The following KCNIP4 variants were observed in gnomAD, a reference collection of about 807,000 sequenced individuals.
KCNIP4 encodes potassium voltage-gated channel interacting protein 4.
In KCNIP4, 12 loss-of-function variants were observed where a neutral mutation model predicts 34.0. The observed-to-expected ratio is 0.35, with a 90% CI of 0.23 to 0.57. The LOEUF (loss-of-function observed/expected upper bound fraction) is 0.57. KCNIP4 is among the 20% of genes least tolerant of loss of function. The probability of loss-of-function intolerance (pLI) is 0.83; values close to 1 mark genes in which losing one functional copy is unlikely to be tolerated. For synonymous variants in KCNIP4, 124 were observed against 102.2 expected (o/e 1.21, Z -1.29); for missense variants, 238 against 311.7 (o/e 0.76, Z 1.78).
At chr4:21,832,386 G>A (rs1684389570) in intron 1 of KCNIP4, among the ~76,000 whole-genome samples, 2 of 152,016 alleles carry the variant, frequency 1.3e-5, no homozygotes, top group Non-Finnish European at 2.9e-5. Context: ...TTGTGGCTCT[G>A]ACATAAGGAT....
intron 3 of KCNIP4, among the ~76,000 whole-genome samples, chr4:20,839,776 T>C (rs913493327): frequency 2.6e-5 from 4 of 152,154 alleles, no homozygotes; most frequent in Admixed American, 6.6e-5. Flanking sequence ...TATGAGATGT[T>C]ATTCTTCAAT....
In KCNIP4 at chr4:21,320,078, A is replaced by C. The variant is rs149318239; in HGVS notation, c.62-437369T>G. On this transcript the variant is annotated intron_variant, in intron 1 of 8. Transcript: ENST00000382152. ...AAACCATGTATTAGAGCATTTGGAGAGAAAAGCATCATTTCTACAGTTAAC... is the reference window on the plus strand; with the variant it reads ...AAACCATGTATTAGAGCATTTGGAGCGAAAAGCATCATTTCTACAGTTAAC... Among the ~76,000 whole-genome samples, 434 of 152,334 alleles carry C rather than the reference A, an allele frequency of 2.8e-3. 5 individuals carry two copies. Among genetic ancestry groups the C allele is most frequent in the African/African-American group, 9.7e-3 (403 of 41,572 alleles).
At chr4:20,850,757 T>C (rs1178607438) in intron 2 of KCNIP4, 90 bp from the exon 3 acceptor site, 1 of 1,450,364 alleles carries the variant, frequency 6.9e-7, no homozygotes, top group Non-Finnish European at 9.3e-7. Context: ...AGAACATGTC[T>C]GCTAATGTCT....
In KCNIP4 at chr4:21,253,678, A is replaced by T. The variant is rs574488442; in HGVS notation, c.62-370969T>A. Reference sequence around the variant, plus strand: ...ACTGGCTATGTATTAAAATCACCTGAGTCCACTGGAGAGGAGCTAAATCAT... The same window carrying T: ...ACTGGCTATGTATTAAAATCACCTGTGTCCACTGGAGAGGAGCTAAATCAT... On this transcript the variant is annotated intron_variant, in intron 1 of 8. Coordinates refer to ENST00000382152, the MANE Select transcript of KCNIP4 (RefSeq NM_025221.6). Among the ~76,000 whole-genome samples, 231 of 152,334 alleles carry T rather than the reference A, an allele frequency of 1.5e-3. 2 individuals carry two copies. Among genetic ancestry groups the T allele is most frequent in the Non-Finnish European group, 3.0e-3 (203 of 68,026 alleles).
intron 1 of KCNIP4, among the ~76,000 whole-genome samples, chr4:21,931,405 C>T (rs1047067060): frequency 2.2e-5 from 3 of 134,856 alleles, no homozygotes; most frequent in Non-Finnish European, 3.2e-5. Flanking sequence ...TCTCCTAATG[C>T]CATCCCTCCC....
chr4:21,703,321 TGATAA>T (rs1713013035), intron 1 of KCNIP4, among the ~76,000 whole-genome samples: 1 of 152,162 alleles, frequency 6.6e-6, no homozygotes, highest in Admixed American at 6.6e-5. Flanking sequence ...TTCCATTTGC[TGATAA>T]GATGATTTTC....
At chr4:21,187,385 A>T (rs1222151114) in intron 1 of KCNIP4, among the ~76,000 whole-genome samples, 1 of 152,214 alleles carries the variant, frequency 6.6e-6, no homozygotes, top group Non-Finnish European at 1.5e-5. Context: ...ATTAATGTTT[A>T]TTAAGGGCAA....
chr4:20,845,067 G>T (rs1197949443), intron 3 of KCNIP4, among the ~76,000 whole-genome samples: 1 of 152,098 alleles, frequency 6.6e-6, no homozygotes, highest in East Asian at 1.9e-4. Context: ...CACTGTGATG[G>T]ATACAACCTA....
At chr4:21,137,145 T>A (rs1751560322) in intron 1 of KCNIP4, among the ~76,000 whole-genome samples, 1 of 152,128 alleles carries the variant, frequency 6.6e-6, no homozygotes, top group Admixed American at 6.5e-5. Flanking sequence ...AAAGATCAAT[T>A]CTCATGGTTA....
intron 1 of KCNIP4, among the ~76,000 whole-genome samples, chr4:21,119,134 TG>T (rs2109128354): frequency 6.6e-6 from 1 of 152,176 alleles, no homozygotes; most frequent in East Asian, 1.9e-4. Context: ...TTGCCTACTT[TG>T]GAAGTTTAGA....
chr4:20,841,013 T>A (rs1719651991), intron 3 of KCNIP4, among the ~76,000 whole-genome samples: 1 of 152,228 alleles, frequency 6.6e-6, no homozygotes, highest in African/African-American at 2.4e-5. Context: ...GAGATTGCTC[T>A]TAACATTTTT....
At chr4:20,970,968 G>A (rs1047020547) in intron 1 of KCNIP4, among the ~76,000 whole-genome samples, 7 of 152,126 alleles carry the variant, frequency 4.6e-5, no homozygotes, top group Non-Finnish European at 8.8e-5. Context: ...GCTATGAAAC[G>A]GGCACTTGAT....
intron 3 of KCNIP4, among the ~76,000 whole-genome samples, chr4:20,822,761 T>A (rs964685870): frequency 1.3e-5 from 2 of 152,180 alleles, no homozygotes; most frequent in African/African-American, 4.8e-5. Context: ...TGAATATATA[T>A]GTTCCTCCAA....
In KCNIP4 at chr4:21,359,450, G is replaced by C. The variant is rs375398900; in HGVS notation, c.62-476741C>G. Among the ~76,000 whole-genome samples, 8 of 152,048 alleles carry C rather than the reference G, an allele frequency of 5.3e-5. No homozygotes were observed. The East Asian group carries it at 9.6e-4, about 18-fold the overall frequency. On this transcript the variant is annotated intron_variant, in intron 1 of 8. Coordinates refer to ENST00000382152, the MANE Select transcript of KCNIP4 (RefSeq NM_025221.6). ...TGATATGTATATATTATATTCTCTA[G>C]AGAATCCTAATACAGTGGCCCATGC...
chr4:21,193,591 T>TTTTTTTG (rs1173998179), intron 1 of KCNIP4, among the ~76,000 whole-genome samples: 1 of 147,050 alleles, frequency 6.8e-6, no homozygotes, highest in Non-Finnish European at 1.5e-5. Context: ...TTTTTTTTTT[T>TTTTTTTG]GAGACGGAGT....
At chr4:21,490,958 G>T (rs2109859903) in intron 1 of KCNIP4, among the ~76,000 whole-genome samples, 1 of 152,174 alleles carries the variant, frequency 6.6e-6, no homozygotes, top group Non-Finnish European at 1.5e-5. Context: ...ATTACTCAAA[G>T]CATAAAGAAC....
At chr4:20,891,044 A>T (rs1211765891) in intron 1 of KCNIP4, among the ~76,000 whole-genome samples, 2 of 152,202 alleles carry the variant, frequency 1.3e-5, no homozygotes, top group Non-Finnish European at 2.9e-5. Context: ...AGTGGCAATG[A>T]AAGTGGTAAT....
In KCNIP4 at chr4:21,427,622, C is replaced by T. The variant is rs552193981; in HGVS notation, c.61+520949G>A. Among the ~76,000 whole-genome samples the T allele has an allele frequency of 5.3e-5, 8 of 152,220 alleles. No homozygotes were observed. The East Asian group carries it at 9.7e-4, about 18-fold the overall frequency. ...GGACTGACTGAGAAGCAATGGTGCT[C>T]AATTATGAGGTTCAGATAAATCACC... is the stretch of plus-strand genomic sequence containing the variant. On this transcript the variant is annotated intron_variant, in intron 1 of 8. Transcript: ENST00000382152.
intron 1 of KCNIP4, among the ~76,000 whole-genome samples, chr4:21,239,745 G>A (rs1759657920): frequency 6.6e-6 from 1 of 152,164 alleles, no homozygotes; most frequent in Non-Finnish European, 1.5e-5. Flanking sequence ...AGAGGATGTG[G>A]AGAAATAGGA....
Sources: allele counts gnomAD v4.1 joint callset (sites outside exome capture counted in the v4.1 genomes callset), GRCh38; gene constraint gnomAD v4.1.1; transcripts MANE v1.5; gene names NCBI Gene and HGNC (gene_info 2026-07-23, HGNC 2026-07-21).